The following OSMR variants were observed in gnomAD, a reference collection of about 807,000 sequenced individuals.
OSMR encodes oncostatin M receptor.
OSMR carries 81 observed loss-of-function variants against 99.9 expected under a neutral mutation model. The ratio of observed to expected loss-of-function variants is 0.81; its 90% CI spans 0.68 to 0.97. The LOEUF (loss-of-function observed/expected upper bound fraction) is 0.97, where lower values mean the gene tolerates loss of function less well. Among genes scored for constraint, OSMR ranks in the 50% least tolerant of loss-of-function variants. OSMR has a pLI of 0.00. For synonymous variants in OSMR, 406 were observed against 410.4 expected (o/e 0.99, Z 0.13); for missense variants, 1,099 against 1,153.4 (o/e 0.95, Z 0.68).
intron 9 of OSMR, among the ~76,000 whole-genome samples, chr5:38,908,694 A>C (rs879327300): frequency 6.6e-6 from 1 of 152,238 alleles, no homozygotes; most frequent in Non-Finnish European, 1.5e-5. Context: ...AACCCAGTCA[A>C]CTGAACCCAT....
Position 38,924,442 on chromosome 5 carries a change from G to T in OSMR, c.1891G>T (p.Val631Leu), listed in dbSNP as rs377012343. Residue 631 changes from valine (V) to leucine (L), a missense_variant, in exon 14 of 18, where the codon GTG (valine) becomes TTG (leucine). Physicochemically the swap from Val to Leu is conservative, Grantham distance 32. Coordinates refer to ENST00000274276, the MANE Select transcript of OSMR (RefSeq NM_003999.3). ...QELAPSDNPHVLVDTLTSHSF... is the reference protein window; with the variant it reads ...QELAPSDNPHLLVDTLTSHSF... ...CCTAGCTCCTTCAGACAACCCTCACGTGCTGGTGGATACATTGACATCCCA... is the reference window on the plus strand; with the variant it reads ...CCTAGCTCCTTCAGACAACCCTCACTTGCTGGTGGATACATTGACATCCCA... 1.9e-6 allele frequency: 3 copies of T among 1,613,998 alleles called. No homozygotes were observed. Among genetic ancestry groups the T allele is most frequent in the Non-Finnish European group, 2.5e-6 (3 of 1,179,964 alleles).
chr5:38,922,810 G>C (rs971420424), intron 12 of OSMR, among the ~76,000 whole-genome samples: 3 of 152,110 alleles, frequency 2.0e-5, no homozygotes, highest in Non-Finnish European at 4.4e-5. Flanking sequence ...GACTGTTGCT[G>C]TGTTACCCAG....
chr5:38,850,886 G>A (rs1307401250), intron 1 of OSMR, among the ~76,000 whole-genome samples: 1 of 152,188 alleles, frequency 6.6e-6, no homozygotes, highest in Admixed American at 6.5e-5. Context: ...CTGTCTGTCA[G>A]CCGGGGATGG....
At chr5:38,861,449 G>T (rs1006880505) in intron 1 of OSMR, among the ~76,000 whole-genome samples, 1 of 152,282 alleles carries the variant, frequency 6.6e-6, no homozygotes, top group South Asian at 2.1e-4. Flanking sequence ...TAAGGTCACC[G>T]ATCAACAGGA....
chr5:38,886,121 T>C lies in OSMR; in HGVS notation c.922T>C (p.Phe308Leu). The C allele has an allele frequency of 6.2e-7, 1 of 1,614,090 alleles. No homozygotes were observed. ...TCAAGACTCACAAGAAACCTATAAC[T>C]TCACACTCATAGCTGAAAATTACTT... ...ITQDSQETYN[F>L]TLIAENYLRK... Residue 308 changes from phenylalanine to leucine, a missense_variant, in exon 7 of 18, where the codon TTC becomes CTC. Phe to Leu is a conservative substitution (Grantham distance 22). Coordinates refer to ENST00000274276, the MANE Select transcript of OSMR (RefSeq NM_003999.3).
intron 15 of OSMR, among the ~76,000 whole-genome samples, chr5:38,926,445 AG>A (rs1167119850): frequency 1.3e-5 from 2 of 152,236 alleles, no homozygotes; most frequent in Non-Finnish European, 2.9e-5. Context: ...GGGAGGCCTT[AG>A]GAAATTTACA....
chr5:38,925,001 T>C, intron 14 of OSMR: 8 of 794,548 alleles, frequency 1.0e-5, no homozygotes, highest in South Asian at 5.7e-5. Context: ...CAGTGGATTT[T>C]TTGCTTTTTG....
chr5:38,910,430 A>G (rs1745499963), intron 9 of OSMR, among the ~76,000 whole-genome samples: 1 of 152,224 alleles, frequency 6.6e-6, no homozygotes, highest in Non-Finnish European at 1.5e-5. Context: ...TGCACATGGC[A>G]TATACTCTAA....
intron 1 of OSMR, chr5:38,942,270 A>G (rs761230742): frequency 1.6e-6 from 2 of 1,255,290 alleles, no homozygotes; most frequent in South Asian, 1.4e-5. Flanking sequence ...ATGAATATAT[A>G]TAGTATGTAT....
intron 1 of OSMR, among the ~76,000 whole-genome samples, chr5:38,849,650 T>A (rs1240253481): frequency 6.6e-6 from 1 of 152,212 alleles, no homozygotes; most frequent in Non-Finnish European, 1.5e-5. Flanking sequence ...AAGATTTTAT[T>A]GAGTTTATAA....
At chr5:38,919,468 C>G in intron 11 of OSMR, 1 of 665,714 alleles carries the variant, frequency 1.5e-6, no homozygotes, top group South Asian at 1.8e-5. Flanking sequence ...GGAAAGAGTC[C>G]ATGAACATTT....
chr5:38,919,459 G>C, intron 11 of OSMR: 3 of 759,614 alleles, frequency 3.9e-6, no homozygotes, highest in Non-Finnish European at 5.6e-6. Context: ...TTTGCACCTG[G>C]AAAGAGTCCA....
intron 15 of OSMR, among the ~76,000 whole-genome samples, chr5:38,925,664 A>G (rs1561410677): frequency 1.3e-5 from 2 of 152,146 alleles, no homozygotes; most frequent in Non-Finnish European, 2.9e-5. Flanking sequence ...CAGTCTCACA[A>G]TCCTGTATGT....
intron 2 of OSMR, among the ~76,000 whole-genome samples, chr5:38,870,284 A>G (rs1443553250): frequency 6.6e-6 from 1 of 151,438 alleles, no homozygotes; most frequent in Non-Finnish European, 1.5e-5. Flanking sequence ...ATCTAAGCAC[A>G]GTGCAACCAG....
rs113779944 is a variant in OSMR, at chr5:38,903,185, A to T, written c.992-697A>T. On this transcript the variant is annotated intron_variant, in intron 7 of 17. Transcript: ENST00000274276. ...GAGTCCAGTGAGACAGAATACACTC[A>T]TACACAACAAGTTACGTGAAATGGA... Among the ~76,000 whole-genome samples, 1,031 of 152,354 alleles carry T rather than the reference A, an allele frequency of 6.8e-3. 13 individuals are homozygous for T. The highest frequency in any genetic ancestry group is 0.024 in the African/African-American group (985 of 41,590).
In OSMR at chr5:38,912,004, AGAC is replaced by A. The variant is rs1206256459; in HGVS notation, c.1286-5541_1286-5539del. 2.6e-5 allele frequency among the ~76,000 whole-genome samples: 4 copies of A among 152,174 alleles called. No homozygotes were observed. The East Asian group carries it at 7.7e-4, about 29-fold the overall frequency. ...AGCATTCCACTTGAGAACTGGAATAAGACAAGGATGTCCACTCTCACCACTCCT... is the reference window on the plus strand; with the variant it reads ...AGCATTCCACTTGAGAACTGGAATAAAAGGATGTCCACTCTCACCACTCCT... On this transcript the variant is annotated intron_variant, in intron 9 of 17. Transcript: ENST00000274276.
In OSMR at chr5:38,932,801, C is replaced by T; in HGVS notation, c.2368-71C>T. The T allele has an allele frequency of 1.9e-6, 3 of 1,602,174 alleles. No homozygotes were observed. The South Asian group carries it at 3.4e-5, about 18-fold the overall frequency. On this transcript the variant is annotated intron_variant, in intron 17 of 17. Coordinates refer to ENST00000274276, the MANE Select transcript of OSMR (RefSeq NM_003999.3). ...TGAAGCTCTAAGTGTATTTCACATG[C>T]TTAATATACTTTGATGCATGCATGC...
At position 38,940,763 on chromosome 5, in the gene OSMR, A is replaced by C. The variant is rs1224767744; in HGVS notation, c.75-3438A>C. The C allele has an allele frequency of 1.7e-5, 4 of 232,242 alleles. No individual in the cohort carries two copies. In the East Asian group the frequency reaches 1.8e-4, roughly 11 times the overall value. The allele number at this position is 232,242 out of a possible 1,614,324, so 14.4% of individuals were successfully genotyped here. On this transcript the variant is annotated intron_variant and NMD_transcript_variant, in intron 1 of 2. Coordinates refer to the OSMR transcript ENST00000508882. ...CCAACTGGAACTTTCAGTTCCAGTAAATAAATTTTTTAAAAAAGTATCTCT... is the reference window on the plus strand; with the variant it reads ...CCAACTGGAACTTTCAGTTCCAGTACATAAATTTTTTAAAAAAGTATCTCT...
intron 9 of OSMR, among the ~76,000 whole-genome samples, chr5:38,910,426 T>C (rs543326027): frequency 5.3e-5 from 8 of 152,270 alleles, no homozygotes; most frequent in African/African-American, 1.9e-4. Context: ...CATCTGCACA[T>C]GGCATATACT....
Sources: gnomAD v4.1 joint callset for allele counts (sites outside exome capture counted in the v4.1 genomes callset) on GRCh38, gnomAD v4.1.1 for gene constraint, MANE v1.5 for transcripts, NCBI Gene and HGNC (gene_info 2026-07-23, HGNC 2026-07-21) for gene names.